Variants in C12orf42 observed in about 807,000 individuals in gnomAD.
The protein encoded by C12orf42 is uncharacterized protein C12orf42.
C12orf42 carries 25 observed loss-of-function variants against 21.6 expected under a neutral mutation model. The ratio of observed to expected loss-of-function variants is 1.16; its 90% confidence interval spans 0.84 to 1.62. The LOEUF is 1.62. C12orf42 is among the 40% of genes most tolerant of loss of function. The probability of loss-of-function intolerance (pLI) is 0.00; values close to 1 mark genes in which losing one functional copy is unlikely to be tolerated. For synonymous variants in C12orf42, 174 were observed against 175.0 expected (o/e 0.99, Z 0.05); for missense variants, 483 against 459.3 (o/e 1.05, Z -0.47).
At chr12:103,077,815 A>G in the C12orf42 span, among the ~76,000 whole-genome samples, 83 of 152,340 alleles carry the variant, frequency 5.4e-4, no homozygotes, top group Non-Finnish European at 9.4e-4. Context: ...CATTAGCACC[A>G]TAATCCCCAA....
intron 4 of C12orf42, among the ~76,000 whole-genome samples, chr12:103,294,673 A>G (rs909642519): frequency 6.6e-6 from 1 of 152,056 alleles, no homozygotes; most frequent in African/African-American, 2.4e-5. Flanking sequence ...GAAGGAAAAA[A>G]CCTTGTGAAA....
chr12:103,305,419 A>G (rs536022089), intron 5 of C12orf42, among the ~76,000 whole-genome samples: 2 of 152,278 alleles, frequency 1.3e-5, no homozygotes, highest in Non-Finnish European at 2.9e-5. Flanking sequence ...GTCATTTTTT[A>G]CAGATGAAAA....
the C12orf42 span, among the ~76,000 whole-genome samples, chr12:103,224,905 G>A: frequency 1.1e-4 from 16 of 152,252 alleles, no homozygotes; most frequent in South Asian, 3.1e-3. Context: ...GTTTTGTAAG[G>A]GATTGAGGTT....
At chr12:103,294,407 A>G (rs1269648102) in intron 4 of C12orf42, among the ~76,000 whole-genome samples, 11 of 145,456 alleles carry the variant, frequency 7.6e-5, no homozygotes, top group Admixed American at 1.4e-4. Context: ...GAAAGAAAGA[A>G]AGAAAGAGAG....
At chr12:103,332,240 G>A (rs139551377) in intron 4 of C12orf42, among the ~76,000 whole-genome samples, 112 of 152,264 alleles carry the variant, frequency 7.4e-4, no homozygotes, top group Non-Finnish European at 7.1e-4. Context: ...TCCATTTCAC[G>A]CGTAATGAAA....
At chr12:103,310,433 A>G (rs1389250501) in intron 4 of C12orf42, among the ~76,000 whole-genome samples, 1 of 152,210 alleles carries the variant, frequency 6.6e-6, no homozygotes, top group Non-Finnish European at 1.5e-5. Context: ...GGAAAAGCAG[A>G]AATATGTATT....
the C12orf42 span, among the ~76,000 whole-genome samples, chr12:103,126,911 A>G: frequency 6.6e-6 from 1 of 152,228 alleles, no homozygotes; most frequent in Admixed American, 6.5e-5. Context: ...GAAAATAAGC[A>G]AAGAACATTG....
chr12:103,171,724 A>G, the C12orf42 span, among the ~76,000 whole-genome samples: 1 of 152,136 alleles, frequency 6.6e-6, no homozygotes, highest in Non-Finnish European at 1.5e-5. Context: ...CAGGAGAACA[A>G]TGAAGATCAA....
chr12:103,257,391 T>C (rs1318898209), intron 10 of C12orf42, among the ~76,000 whole-genome samples: 1 of 152,064 alleles, frequency 6.6e-6, no homozygotes, highest in African/African-American at 2.4e-5. Context: ...AATAAGGAGC[T>C]CAATATTATT....
At chr12:103,160,560 G>C in the C12orf42 span, among the ~76,000 whole-genome samples, 32,325 of 152,088 alleles carry the variant, frequency 0.21, 3,913 homozygotes, top group Admixed American at 0.32. Context: ...GTATGGGATG[G>C]ATTCCTCAAA....
chr12:103,083,136 G>A, the C12orf42 span, among the ~76,000 whole-genome samples: 12 of 152,230 alleles, frequency 7.9e-5, no homozygotes, highest in Non-Finnish European at 1.5e-4. Flanking sequence ...AGGCCGAGGC[G>A]GGTGGATCAT....
chr12:103,058,044 C>T, the C12orf42 span, among the ~76,000 whole-genome samples: 1 of 151,924 alleles, frequency 6.6e-6, no homozygotes, highest in South Asian at 2.1e-4. Flanking sequence ...TAACCTCTGC[C>T]TCCCTTGTTC....
chr12:103,398,307 C>T (rs919537137), intron 3 of C12orf42, among the ~76,000 whole-genome samples: 1 of 152,110 alleles, frequency 6.6e-6, no homozygotes, highest in African/African-American at 2.4e-5. Flanking sequence ...ATTGGATATT[C>T]AGATTTCCTG....
chr12:103,263,785 C>T (rs570278813), downstream of C12orf42, among the ~76,000 whole-genome samples: 1 of 152,314 alleles, frequency 6.6e-6, no homozygotes, highest in East Asian at 1.9e-4. Context: ...AATCCTTCCA[C>T]TGCAGCCTAG....
At chr12:103,172,108 C>A in the C12orf42 span, among the ~76,000 whole-genome samples, 7 of 152,054 alleles carry the variant, frequency 4.6e-5, no homozygotes, top group African/African-American at 9.7e-5. Context: ...TCATTCATTC[C>A]TTCATTCATT....
Position 103,401,695 on chromosome 12 carries a change from G to A in C12orf42, c.79-20C>T. 7 of 1,604,348 alleles carry A rather than the reference G, an allele frequency of 4.4e-6. No homozygotes were observed. The highest frequency in any genetic ancestry group is 6.0e-6 in the Non-Finnish European group (7 of 1,171,472). ...GGATTTCTGAAACATTAGAAACAAG[G>A]CATTTAGTATCACTTCAATAATTCT... On this transcript the variant is annotated intron_variant, in intron 2 of 5. Coordinates refer to ENST00000548883, the MANE Select transcript of C12orf42 (RefSeq NM_198521.5).
chr12:103,176,083 C>A, the C12orf42 span, among the ~76,000 whole-genome samples: 48 of 152,096 alleles, frequency 3.2e-4, no homozygotes, highest in African/African-American at 1.1e-3. Flanking sequence ...CTTCTTCCCG[C>A]CATGCCATAT....
intron 3 of C12orf42, among the ~76,000 whole-genome samples, chr12:103,396,038 C>T (rs1393789709): frequency 2.7e-5 from 4 of 148,150 alleles, no homozygotes; most frequent in Non-Finnish European, 5.9e-5. Flanking sequence ...AATATATATA[C>T]TATATATAAT....
At chr12:103,109,487 G>A in the C12orf42 span, among the ~76,000 whole-genome samples, 18 of 152,008 alleles carry the variant, frequency 1.2e-4, no homozygotes, top group African/African-American at 4.1e-4. Context: ...TGGGACATCC[G>A]GCTTGCCATT....
Sources: allele counts gnomAD v4.1 joint callset (sites outside exome capture counted in the v4.1 genomes callset), GRCh38; gene constraint gnomAD v4.1.1; transcripts MANE v1.5; gene names NCBI Gene and HGNC (gene_info 2026-07-23, HGNC 2026-07-21).